Variants in TP63 observed in about 807,000 individuals in gnomAD.
TP63 encodes tumor protein p63, also known as tumor protein 63.
Under a neutral mutation model 82.8 loss-of-function variants are expected in TP63, and 17 were observed. That is an observed-to-expected ratio of 0.21 (90% CI 0.14 to 0.31). The LOEUF (loss-of-function observed/expected upper bound fraction) is 0.31. Among genes scored for constraint, TP63 ranks in the 10% least tolerant of loss-of-function variants. The probability of loss-of-function intolerance (pLI) is 1.00; values close to 1 mark genes in which losing one functional copy is unlikely to be tolerated. For synonymous variants in TP63, 330 were observed against 321.7 expected (o/e 1.03, Z -0.28); for missense variants, 648 against 895.3 (o/e 0.72, Z 3.52).
At chr3:189,743,320 G>A (rs2108510153) in intron 3 of TP63, among the ~76,000 whole-genome samples, 1 of 152,296 alleles carries the variant, frequency 6.6e-6, no homozygotes, top group East Asian at 1.9e-4. Flanking sequence ...ATGCTAGTGA[G>A]ATTGTTGAGA....
intron 1 of TP63, among the ~76,000 whole-genome samples, chr3:189,645,878 C>T (rs949531206): frequency 2.7e-5 from 4 of 147,350 alleles, no homozygotes; most frequent in African/African-American, 1.0e-4. Flanking sequence ...GAATATACAC[C>T]ACATTATCCA....
At chr3:189,782,472 T>G (rs1315019131) in intron 3 of TP63, among the ~76,000 whole-genome samples, 1 of 152,134 alleles carries the variant, frequency 6.6e-6, no homozygotes. Flanking sequence ...AATCCGGCTA[T>G]TCAAACATAA....
chr3:189,728,436 T>A, intron 1 of TP63, among the ~76,000 whole-genome samples: 1 of 152,168 alleles, frequency 6.6e-6, no homozygotes, highest in East Asian at 1.9e-4. Context: ...CCAAACAAGA[T>A]ATATAAATAT....
chr3:189,817,855 A>G (rs963342041), intron 4 of TP63, among the ~76,000 whole-genome samples: 2 of 151,952 alleles, frequency 1.3e-5, no homozygotes, highest in Non-Finnish European at 2.9e-5. Context: ...ATTTTTGCAG[A>G]ACCAGTAAAA....
intron 1 of TP63, among the ~76,000 whole-genome samples, chr3:189,669,602 G>C (rs1279071886): frequency 6.6e-6 from 1 of 151,988 alleles, no homozygotes; most frequent in African/African-American, 2.4e-5. Context: ...TAGTGAAAGG[G>C]AAGACAAGGA....
At chr3:189,826,257 A>G (rs1022650038) in intron 4 of TP63, among the ~76,000 whole-genome samples, 31 of 152,202 alleles carry the variant, frequency 2.0e-4, no homozygotes, top group Non-Finnish European at 3.2e-4. Flanking sequence ...CAAAAGAAGC[A>G]TTTTGTCTCT....
At chr3:189,701,891 T>G (rs1452945857) in intron 1 of TP63, among the ~76,000 whole-genome samples, 1 of 152,130 alleles carries the variant, frequency 6.6e-6, no homozygotes, top group Non-Finnish European at 1.5e-5. Flanking sequence ...CTCTGTTTGT[T>G]TCTAATCTTT....
At chr3:189,825,674 A>T (rs1729272608) in intron 4 of TP63, among the ~76,000 whole-genome samples, 1 of 152,230 alleles carries the variant, frequency 6.6e-6, no homozygotes, top group Admixed American at 6.5e-5. Flanking sequence ...CTTTCCCTTT[A>T]TCATATATTT....
intron 3 of TP63, among the ~76,000 whole-genome samples, chr3:189,747,820 T>C (rs1166655848): frequency 2.0e-5 from 3 of 151,486 alleles, no homozygotes; most frequent in African/African-American, 7.3e-5. Flanking sequence ...ATACACCAAA[T>C]TGATAAACCA....
chr3:189,812,479 T>G (rs1337437236), intron 4 of TP63, among the ~76,000 whole-genome samples: 1 of 152,204 alleles, frequency 6.6e-6, no homozygotes, highest in Non-Finnish European at 1.5e-5. Flanking sequence ...GTAGTGCTGG[T>G]CTAGCATTGT....
In TP63 at chr3:189,738,617, C is replaced by A. The variant is rs370205534; in HGVS notation, c.192-25C>A. On this transcript the variant is annotated intron_variant, in intron 2 of 13. Coordinates refer to ENST00000264731, the MANE Select transcript of TP63 (RefSeq NM_003722.5). Reference sequence around the variant, plus strand: ...TTTTAGTCCCTTTCCATGCCTAACTCACTTTTTTCTTTCCTATGTGTTAGG... The same window carrying A: ...TTTTAGTCCCTTTCCATGCCTAACTAACTTTTTTCTTTCCTATGTGTTAGG... The A allele has an allele frequency of 2.2e-5, 36 of 1,613,890 alleles. No homozygotes were observed. In the African/African-American group the frequency reaches 4.0e-4, roughly 18 times the overall value.
intron 1 of TP63, among the ~76,000 whole-genome samples, chr3:189,734,233 T>G (rs28702940): frequency 0.62 from 88,683 of 142,426 alleles, 27,763 homozygotes; most frequent in Middle Eastern, 0.7. Context: ...ATGCAGTGGC[T>G]CAATCTTGGC....
chr3:189,830,952 A>G (rs540983970), intron 4 of TP63, among the ~76,000 whole-genome samples: 2 of 152,314 alleles, frequency 1.3e-5, no homozygotes, highest in African/African-American at 4.8e-5. Context: ...CAAATGTGTA[A>G]AATTATCTCA....
At chr3:189,665,298 A>T (rs1006788279) in intron 1 of TP63, among the ~76,000 whole-genome samples, 2 of 152,148 alleles carry the variant, frequency 1.3e-5, no homozygotes, top group South Asian at 4.1e-4. Flanking sequence ...CAGTTGTTAA[A>T]CATGTGTCAG....
chr3:189,788,103 C>G (rs1459006101), intron 3 of TP63, among the ~76,000 whole-genome samples: 1 of 142,936 alleles, frequency 7.0e-6, no homozygotes, highest in East Asian at 2.0e-4. Context: ...TTTTTGCCTT[C>G]TAGGCAGTGC....
At chr3:189,835,803 A>G (rs1387993106) in intron 4 of TP63, among the ~76,000 whole-genome samples, 2 of 151,902 alleles carry the variant, frequency 1.3e-5, no homozygotes, top group African/African-American at 4.8e-5. Flanking sequence ...AATCCCAGCT[A>G]CTTAGGAGGC....
chr3:189,786,101 G>A (rs1273736767), intron 3 of TP63, among the ~76,000 whole-genome samples: 1 of 151,856 alleles, frequency 6.6e-6, no homozygotes, highest in East Asian at 1.9e-4. Flanking sequence ...ATTGACATCG[G>A]TATTTTATGA....
rs2108806213 is a variant in TP63 at position 189,868,595 on chromosome 3, C to T, written c.1008C>T (p.Gly336=). 6.2e-7 allele frequency: 1 copy of T among 1,614,068 alleles called. No individual in the cohort carries two copies. Among genetic ancestry groups the T allele is most frequent in the Non-Finnish European group, 8.5e-7 (1 of 1,179,980 alleles). The change falls in exon 8 of 14, where the codon GGC becomes GGT. Residue 336 remains glycine, a synonymous_variant. Coordinates refer to ENST00000264731, the MANE Select transcript of TP63 (RefSeq NM_003722.5). ...TLETRDGQVL[G]RRCFEARICA... Reference sequence around the variant, plus strand: ...TAATTCCTAGTGGGCAAGTCCTGGGCCGACGCTGCTTTGAGGCCCGGATCT... The same window carrying T: ...TAATTCCTAGTGGGCAAGTCCTGGGTCGACGCTGCTTTGAGGCCCGGATCT...
At chr3:189,846,874 G>A (rs1407071644) in intron 4 of TP63, among the ~76,000 whole-genome samples, 1 of 150,926 alleles carries the variant, frequency 6.6e-6, no homozygotes, top group Non-Finnish European at 1.5e-5. Context: ...GTAGAGATGG[G>A]GTTTCACCAT....
Sources: allele counts gnomAD v4.1 joint callset (sites outside exome capture counted in the v4.1 genomes callset), GRCh38; gene constraint gnomAD v4.1.1; transcripts MANE v1.5; gene names NCBI Gene and HGNC (gene_info 2026-07-23, HGNC 2026-07-21).